Variants in ST6GALNAC2 observed in about 807,000 individuals in gnomAD.
ST6GALNAC2 encodes the protein ST6 N-acetylgalactosaminide alpha-2,6-sialyltransferase 2.
Under a neutral mutation model 38.7 loss-of-function variants are expected in ST6GALNAC2, and 42 were observed. That is an observed-to-expected ratio of 1.09 (90% CI 0.85 to 1.40). ST6GALNAC2 has a LOEUF of 1.40. ST6GALNAC2 is among the 40% of genes most tolerant of loss of function. ST6GALNAC2 has a pLI of 0.00. For synonymous variants in ST6GALNAC2, 233 were observed against 209.0 expected (o/e 1.11, Z -0.99); for missense variants, 506 against 481.7 (o/e 1.05, Z -0.47).
In ST6GALNAC2 at chr17:76,585,824, G is replaced by T. The variant is rs765711694; in HGVS notation, c.-16C>A. The T allele has an allele frequency of 6.5e-7, 1 of 1,529,852 alleles. No homozygotes were observed. The highest frequency in any genetic ancestry group is 8.8e-7 in the Non-Finnish European group (1 of 1,141,186). 94.8% of individuals were successfully genotyped at this position (1,529,852 alleles called of 1,614,324 possible). The stretch of plus-strand genomic sequence containing the variant: ...GGAGCCCCATACAGCCCCGGCCCGC[G>T]AGCGCCCCGTCCGCTGACGTCCCAG... On this transcript the variant is annotated 5_prime_UTR_variant, in exon 1 of 9. Coordinates refer to ENST00000225276, the MANE Select transcript of ST6GALNAC2 (RefSeq NM_006456.3).
chr17:76,584,797 G>A (rs1320855267), intron 1 of ST6GALNAC2, among the ~76,000 whole-genome samples: 1 of 152,222 alleles, frequency 6.6e-6, no homozygotes, highest in African/African-American at 2.4e-5. Flanking sequence ...GTTGGTAGGG[G>A]GTGCGCAGAT....
At position 76,567,560 on chromosome 17, in the gene ST6GALNAC2, C is replaced by G. The variant is rs1567925891; in HGVS notation, c.858-8G>C. The G allele has an allele frequency of 5.0e-6, 8 of 1,584,336 alleles. No homozygotes were observed. The highest frequency in any genetic ancestry group is 6.9e-6 in the Non-Finnish European group (8 of 1,154,198). ...AACTTTGATTTCAAGAACCTGGAAGCAAAAAGAGACATTTCAGCTCACTAG... is the reference window on the plus strand; with the variant it reads ...AACTTTGATTTCAAGAACCTGGAAGGAAAAAGAGACATTTCAGCTCACTAG... On this transcript the variant is annotated splice_polypyrimidine_tract_variant and splice_region_variant and intron_variant, in intron 7 of 8. Coordinates refer to ENST00000225276, the MANE Select transcript of ST6GALNAC2 (RefSeq NM_006456.3).
rs376761336 is a variant in ST6GALNAC2, at chr17:76,566,065, C to T, written c.*39G>A. ...TTTGGCCACTTGAGAGGATCAGGGC[C>T]GCAACTCTTGAAGAAGCAAAGGGCT... On this transcript the variant is annotated 3_prime_UTR_variant, in exon 9 of 9. Transcript: ENST00000225276. 1.8e-4 allele frequency: 283 copies of T among 1,586,462 alleles called. No individual in the cohort carries two copies. The African/African-American group carries it at 3.2e-3, about 18-fold the overall frequency.
intron 1 of ST6GALNAC2, among the ~76,000 whole-genome samples, chr17:76,580,411 C>T (rs2075461839): frequency 1.3e-5 from 2 of 151,198 alleles, no homozygotes; most frequent in African/African-American, 4.9e-5. Context: ...GAGTGAAACT[C>T]CTGGCCGGGT....
chr17:76,573,518 G>A lies in ST6GALNAC2; in HGVS notation c.362-155C>T, dbSNP rs543013596. Among the ~76,000 whole-genome samples the A allele has an allele frequency of 6.6e-6, 1 of 152,170 alleles. No individual in the cohort carries two copies. The highest frequency in any genetic ancestry group is 2.4e-5 in the African/African-American group (1 of 41,440). ...GGTGGGAGGGGAAGGAGATGTCTGTGGGGGGAGAATTGAAAAGCTGACAGT... is the reference window on the plus strand; with the variant it reads ...GGTGGGAGGGGAAGGAGATGTCTGTAGGGGGAGAATTGAAAAGCTGACAGT... On this transcript the variant is annotated intron_variant, in intron 3 of 8. Transcript: ENST00000225276. The surrounding 1 kb of genome is among the most constrained non-coding windows in gnomAD (Gnocchi z 5.1).
chr17:76,571,320 G>A (rs1029429845), intron 5 of ST6GALNAC2: 12 of 152,424 alleles, frequency 7.9e-5, no homozygotes, highest in South Asian at 2.1e-4. Flanking sequence ...AAGGCCAGGC[G>A]CGGTGGCTTA....
intron 1 of ST6GALNAC2, among the ~76,000 whole-genome samples, chr17:76,582,781 C>T (rs1216979184): frequency 6.6e-6 from 1 of 152,164 alleles, no homozygotes; most frequent in Non-Finnish European, 1.5e-5. Context: ...GCTGGGGAAG[C>T]TCATGTGGCC....
chr17:76,568,610 C>T (rs767959924), intron 7 of ST6GALNAC2, 103 bp downstream of exon 7: 39 of 1,072,802 alleles, frequency 3.6e-5, no homozygotes, highest in South Asian at 1.2e-4. Flanking sequence ...CTCTGGTTAT[C>T]GGTCAGTGCG....
Position 76,574,400 on chromosome 17 carries a change from T to C in ST6GALNAC2, c.326A>G (p.Lys109Arg), listed in dbSNP as rs369770868. The C allele has an allele frequency of 5.0e-6, 8 of 1,613,418 alleles. No homozygotes were observed. In the African/African-American group the frequency reaches 1.1e-4, roughly 22 times the overall value. The part of the protein sequence containing the change: ...PALWDRLSQH[K>R]APYGWRGLSH... ...GAGCCCCCGCCAGCCATACGGGGCT[T>C]TGTGTTGGCTCAGGCGGTCCCAGAG... Residue 109 changes from lysine to arginine, a missense_variant, in exon 3 of 9, where the codon AAA (lysine) becomes AGA (arginine). By Grantham distance (26) the Lys-to-Arg change is conservative. Transcript: ENST00000225276.
Position 76,585,764 on chromosome 17 carries a change from G to C in ST6GALNAC2, c.45C>G (p.Leu15=). The C allele has an allele frequency of 6.4e-7, 1 of 1,554,170 alleles. No homozygotes were observed. ...AGAGGAGCCCCGAGCAGGCAGCCGT[G>C]AGCAGGAGCAGCAGCCAGAAGAACG... ...RGSFFWLLLL[L]TAACSGLLFA... The change falls in exon 1 of 9, where the codon CTC becomes CTG. Residue 15 remains leucine (L), a synonymous_variant. Transcript: ENST00000225276.
intron 1 of ST6GALNAC2, among the ~76,000 whole-genome samples, chr17:76,585,292 A>T (rs2143328608): frequency 6.6e-6 from 1 of 152,316 alleles, no homozygotes; most frequent in Non-Finnish European, 1.5e-5. Context: ...CAAAAAGCAG[A>T]ATCTGACGTT....
chr17:76,566,131 G>A lies in ST6GALNAC2; in HGVS notation c.1098C>T (p.Ala366=), dbSNP rs372049590. ...EAALWRDLHK[A]GILQLYQR is the part of the protein sequence containing the mutation. ...AGCGCTGGTACAGCTGAAGGATGCC[G>A]GCCTTGTGCAGGTCCCTCCACAGGG... The change falls in exon 9 of 9, where the codon GCC becomes GCT. Residue 366 remains alanine, a synonymous_variant. Coordinates refer to ENST00000225276, the MANE Select transcript of ST6GALNAC2 (RefSeq NM_006456.3). The A allele has an allele frequency of 6.5e-5, 105 of 1,614,060 alleles. No individual in the cohort carries two copies. Among genetic ancestry groups the A allele is most frequent in the African/African-American group, 4.7e-4 (35 of 75,028 alleles).
Position 76,565,554 on chromosome 17 carries a change from T to C in ST6GALNAC2, c.*550A>G, listed in dbSNP as rs2075268426. ...TCCATGCTAAACAGCCTGCGTTTTA[T>C]ATGATTTCTCTACCCAGCCAAAAAA... On this transcript the variant is annotated 3_prime_UTR_variant, in exon 9 of 9. Coordinates refer to ENST00000225276, the MANE Select transcript of ST6GALNAC2 (RefSeq NM_006456.3). 1 of 146,418 alleles carries C rather than the reference T, an allele frequency of 6.8e-6. No homozygotes were observed. Among genetic ancestry groups the C allele is most frequent in the Admixed American group, 6.8e-5 (1 of 14,642 alleles). The allele number at this position is 146,418 out of a possible 1,614,324, so 9.1% of individuals were successfully genotyped here.
chr17:76,585,031 G>A (rs2075527961), intron 1 of ST6GALNAC2, among the ~76,000 whole-genome samples: 1 of 152,260 alleles, frequency 6.6e-6, no homozygotes, highest in Non-Finnish European at 1.5e-5. Context: ...GGAGGAGGAG[G>A]GAGTGGAGCG....
At position 76,572,621 on chromosome 17, in the gene ST6GALNAC2, C is replaced by A; in HGVS notation, c.669+16G>T. On this transcript the variant is annotated intron_variant, in intron 5 of 8. Coordinates refer to ENST00000225276, the MANE Select transcript of ST6GALNAC2 (RefSeq NM_006456.3). ...GCCATTGTCAACCACAATGGCATGC[C>A]CGCCAGAGGCCTCACCTGTCCTTGT... The A allele has an allele frequency of 1.9e-6, 3 of 1,613,722 alleles. No homozygotes were observed. Among genetic ancestry groups the A allele is most frequent in the African/African-American group, 2.7e-5 (2 of 75,050 alleles).
In ST6GALNAC2 at chr17:76,573,374, A is replaced by T. The variant is rs1427388447; in HGVS notation, c.362-11T>A. On this transcript the variant is annotated splice_polypyrimidine_tract_variant and intron_variant, in intron 3 of 8. Coordinates refer to ENST00000225276, the MANE Select transcript of ST6GALNAC2 (RefSeq NM_006456.3). The surrounding 1 kb of genome is among the most constrained non-coding windows in gnomAD (Gnocchi z 5.1). ...GGGTGGAGGCGATGACTGTGGGTGC[A>T]GATGGGGAGCAGCCATGAGGAGGGC... is the stretch of plus-strand genomic sequence containing the variant. The T allele has an allele frequency of 1.3e-6, 2 of 1,520,322 alleles. No homozygotes were observed. The highest frequency in any genetic ancestry group is 2.2e-5 in the Admixed American group (1 of 45,706). 94.2% of individuals were successfully genotyped at this position (1,520,322 alleles called of 1,614,324 possible). A position where few individuals can be genotyped will look rare whatever the true frequency, so the allele number is the denominator to read the frequency against.
At position 76,585,788 on chromosome 17, in the gene ST6GALNAC2, C is replaced by T. The variant is rs2075538640; in HGVS notation, c.21G>A (p.Ser7=). 3 of 1,553,044 alleles carry T rather than the reference C, an allele frequency of 1.9e-6. No individual in the cohort carries two copies. The highest frequency in any genetic ancestry group is 2.6e-6 in the Non-Finnish European group (3 of 1,151,602). Reference sequence around the variant, plus strand: ...TGAGCAGGAGCAGCAGCCAGAAGAACGACCCGCGCGGGAGCCCCATACAGC... The same window carrying T: ...TGAGCAGGAGCAGCAGCCAGAAGAATGACCCGCGCGGGAGCCCCATACAGC... MGLPRG[S]FFWLLLLLTA... The change falls in exon 1 of 9, where the codon TCG becomes TCA. Residue 7 remains serine, a synonymous_variant. Coordinates refer to ENST00000225276, the MANE Select transcript of ST6GALNAC2 (RefSeq NM_006456.3).
intron 8 of ST6GALNAC2, among the ~76,000 whole-genome samples, chr17:76,566,825 A>C (rs2075289518): frequency 6.6e-6 from 1 of 151,996 alleles, no homozygotes; most frequent in Admixed American, 6.6e-5. Context: ...CAGAGTTGAG[A>C]CCCTGTCTCA....
chr17:76,574,246 G>A (rs1372570547), intron 3 of ST6GALNAC2, 119 bp downstream of exon 3: 8 of 1,201,710 alleles, frequency 6.7e-6, no homozygotes, highest in Admixed American at 2.4e-5. Flanking sequence ...GGAGGAGAGA[G>A]GGGGACAGGG....
Sources: gnomAD v4.1 joint callset for allele counts (sites outside exome capture counted in the v4.1 genomes callset) on GRCh38, gnomAD v4.1.1 for gene constraint, Gnocchi (gnomAD v3.1) non-coding constraint, MANE v1.5 for transcripts, NCBI Gene and HGNC (gene_info 2026-07-23, HGNC 2026-07-21) for gene names.